SIPA1L3: variants seen among roughly 807,000 people sequenced by gnomAD.
SIPA1L3 encodes the protein signal induced proliferation associated 1 like 3, also known as signal-induced proliferation-associated 1-like protein 3.
Under a neutral mutation model 150.1 loss-of-function variants are expected in SIPA1L3, and 59 were observed. The observed-to-expected ratio is 0.39, with a 90% CI of 0.32 to 0.49. SIPA1L3 has a LOEUF of 0.49. Among genes scored for constraint, SIPA1L3 ranks in the 20% least tolerant of loss-of-function variants. SIPA1L3 has a pLI of 0.86. For synonymous variants in SIPA1L3, 1,070 were observed against 1,077.6 expected, an observed-to-expected ratio of 0.99 and a Z score of 0.14; for missense variants, 2,211 against 2,489.5, an observed-to-expected ratio of 0.89 and a Z score of 2.38.
At chr19:37,973,002 G>A (rs1335049817) in intron 1 of SIPA1L3, among the ~76,000 whole-genome samples, 1 of 151,990 alleles carries the variant, frequency 6.6e-6, no homozygotes, top group East Asian at 1.9e-4. Context: ...AGGGAGGCTG[G>A]GAAATGTAGT....
At chr19:38,133,960 A>G (rs1971372011) in intron 10 of SIPA1L3, among the ~76,000 whole-genome samples, 2 of 151,846 alleles carry the variant, frequency 1.3e-5, no homozygotes, top group African/African-American at 4.8e-5. Flanking sequence ...CCTAGGCAAC[A>G]TAGCAAGACC....
At chr19:38,174,594 C>T (rs1489962960) in intron 15 of SIPA1L3, among the ~76,000 whole-genome samples, 1 of 152,124 alleles carries the variant, frequency 6.6e-6, no homozygotes, top group Non-Finnish European at 1.5e-5. Context: ...GCTCGCCTCT[C>T]ATCCCAGCAC....
chr19:38,091,223 T>TA (rs145918156), intron 4 of SIPA1L3, among the ~76,000 whole-genome samples: 3,163 of 152,108 alleles, frequency 0.021, 92 homozygotes, highest in African/African-American at 0.07. Context: ...CTGTCTGTAC[T>TA]AAAAACACAA....
intron 1 of SIPA1L3, among the ~76,000 whole-genome samples, chr19:37,924,414 CTT>C (rs60960790): frequency 1.3e-4 from 18 of 138,382 alleles, no homozygotes; most frequent in Non-Finnish European, 2.2e-4. Context: ...TGTTTTACAG[CTT>C]TTTTTTTTTT....
intron 1 of SIPA1L3, among the ~76,000 whole-genome samples, chr19:37,936,882 C>G (rs777089960): frequency 6.6e-6 from 1 of 152,258 alleles, no homozygotes; most frequent in East Asian, 1.9e-4. Context: ...ATCCCCTCCA[C>G]TCCTGCTTCC....
intron 3 of SIPA1L3, among the ~76,000 whole-genome samples, chr19:38,084,439 C>T (rs138171893): frequency 2.0e-5 from 3 of 151,480 alleles, no homozygotes; most frequent in Non-Finnish European, 2.9e-5. Flanking sequence ...CTCAGAAGCC[C>T]GGTCCAACTA....
At chr19:37,919,996 G>A (rs374785575) in intron 1 of SIPA1L3, among the ~76,000 whole-genome samples, 1 of 149,394 alleles carries the variant, frequency 6.7e-6, no homozygotes, top group Non-Finnish European at 1.5e-5. Context: ...AGGCATGAGC[G>A]ACTGTGCCTG....
At position 38,082,183 on chromosome 19, in the gene SIPA1L3, G is replaced by A. The variant is rs758088400; in HGVS notation, c.618G>A (p.Ser206=). 26 of 1,604,286 alleles carry A rather than the reference G, an allele frequency of 1.6e-5. No individual in the cohort carries two copies. The highest frequency in any genetic ancestry group is 2.0e-5 in the Non-Finnish European group (24 of 1,179,764). The change falls in exon 3 of 22, where the codon TCG becomes TCA. Residue 206 remains serine (S), a synonymous_variant. Transcript: ENST00000222345. ...TCTTCCGCGAGTACGGGAGCACCTC[G>A]TCCATCGACGTGCAGGGCATGCCCG... ...LPLFREYGST[S]SIDVQGMPEQ...
intron 2 of SIPA1L3, among the ~76,000 whole-genome samples, chr19:38,071,143 T>TTGCAACTTGAGCCAGGCAGGGAGCACTG (rs1392010529): frequency 1.3e-5 from 2 of 152,220 alleles, no homozygotes; most frequent in Admixed American, 6.5e-5. Context: ...ACTGAGCCAG[T>TTGCAACTTGAGCCAGGCAGGGAGCACTG]GCTCCCTGGT....
At chr19:38,053,500 G>A (rs1022063827) in intron 2 of SIPA1L3, among the ~76,000 whole-genome samples, 2 of 152,054 alleles carry the variant, frequency 1.3e-5, no homozygotes, top group African/African-American at 4.8e-5. Flanking sequence ...ATGCCAGGCT[G>A]CCCTCAGAGC....
At chr19:38,018,434 G>A (rs572306404) in intron 1 of SIPA1L3, among the ~76,000 whole-genome samples, 6 of 152,224 alleles carry the variant, frequency 3.9e-5, no homozygotes, top group African/African-American at 1.4e-4. Context: ...TTACAGGCGT[G>A]AGCCACCACA....
intron 2 of SIPA1L3, among the ~76,000 whole-genome samples, chr19:38,080,973 A>C (rs1969964709): frequency 6.6e-6 from 1 of 151,948 alleles, no homozygotes; most frequent in African/African-American, 2.4e-5. Context: ...CTGTCTCAAA[A>C]AAAAAAAAAA....
chr19:37,966,949 G>T (rs1001668149), intron 1 of SIPA1L3, among the ~76,000 whole-genome samples: 6 of 152,084 alleles, frequency 3.9e-5, no homozygotes, highest in Non-Finnish European at 8.8e-5. Flanking sequence ...AGGTGACCTC[G>T]CCCCTCTGGA....
At chr19:37,925,188 G>A (rs1363015593) in intron 1 of SIPA1L3, among the ~76,000 whole-genome samples, 1 of 152,124 alleles carries the variant, frequency 6.6e-6, no homozygotes, top group African/African-American at 2.4e-5. Context: ...CGACCTCCCC[G>A]TGGCTCATGT....
chr19:38,159,916 A>T (rs1972040152), intron 13 of SIPA1L3, among the ~76,000 whole-genome samples: 1 of 152,278 alleles, frequency 6.6e-6, no homozygotes, highest in South Asian at 2.1e-4. Context: ...ACCGGCGTTC[A>T]GCTCCTCAGT....
chr19:38,075,770 A>C (rs1187278368), intron 2 of SIPA1L3, among the ~76,000 whole-genome samples: 1 of 151,060 alleles, frequency 6.6e-6, no homozygotes, highest in Non-Finnish European at 1.5e-5. Context: ...ACAGAGCAAC[A>C]CTCTGTCTCA....
intron 8 of SIPA1L3, among the ~76,000 whole-genome samples, chr19:38,115,593 C>T (rs764707221): frequency 6.6e-6 from 1 of 152,176 alleles, no homozygotes; most frequent in Non-Finnish European, 1.5e-5. Flanking sequence ...GCCTCCTGCT[C>T]CTTGCCTTCC....
intron 3 of SIPA1L3, among the ~76,000 whole-genome samples, chr19:38,084,215 C>T (rs891390531): frequency 6.6e-6 from 1 of 151,992 alleles, no homozygotes; most frequent in Non-Finnish European, 1.5e-5. Flanking sequence ...TCTGTGTTTC[C>T]AGGCAGAGAA....
chr19:38,137,012 G>A (rs1971450007), intron 10 of SIPA1L3, among the ~76,000 whole-genome samples: 1 of 152,160 alleles, frequency 6.6e-6, no homozygotes, highest in African/African-American at 2.4e-5. Context: ...CTCTGCTAAC[G>A]CTCAGAGAAT....
Sources: allele counts gnomAD v4.1 joint callset (sites outside exome capture counted in the v4.1 genomes callset), GRCh38; gene constraint gnomAD v4.1.1; transcripts MANE v1.5; gene names NCBI Gene and HGNC (gene_info 2026-07-23, HGNC 2026-07-21).